MOBP: variants seen among roughly 807,000 people sequenced by gnomAD.
MOBP encodes myelin associated oligodendrocyte basic protein.
MOBP carries 5 observed loss-of-function variants against 15.0 expected under a neutral mutation model. That is an observed-to-expected ratio of 0.33 (90% CI 0.17 to 0.70). MOBP has a LOEUF of 0.70. Among genes scored for constraint, MOBP ranks in the 30% least tolerant of loss-of-function variants. The pLI is 0.67. For synonymous variants in MOBP, 88 were observed against 99.0 expected (o/e 0.89, Z 0.66); for missense variants, 188 against 257.8 (o/e 0.73, Z 1.85).
At chr3:39,522,133 T>G (rs1013720232) in intron 3 of MOBP, among the ~76,000 whole-genome samples, 4 of 152,206 alleles carry the variant, frequency 2.6e-5, no homozygotes. Flanking sequence ...ATCCCTCTAG[T>G]GGAATTCCTG....
intron 3 of MOBP, among the ~76,000 whole-genome samples, chr3:39,522,262 T>C (rs1318727081): frequency 6.6e-6 from 1 of 152,244 alleles, no homozygotes; most frequent in Non-Finnish European, 1.5e-5. Flanking sequence ...AGCTTGCATG[T>C]AGATAGAGCT....
chr3:39,486,286 G>A (rs2042707965), intron 2 of MOBP, among the ~76,000 whole-genome samples: 1 of 152,124 alleles, frequency 6.6e-6, no homozygotes, highest in African/African-American at 2.4e-5. Flanking sequence ...AGGTTATGAG[G>A]ATGAAATAAG....
chr3:39,528,039 T>C (rs1434628713), downstream of MOBP: 3 of 152,232 alleles, frequency 2.0e-5, no homozygotes, highest in Admixed American at 6.5e-5. Context: ...TATGACAATA[T>C]ATGGCTTTTT....
At chr3:39,473,067 T>A (rs988818719) in intron 1 of MOBP, among the ~76,000 whole-genome samples, 1 of 152,158 alleles carries the variant, frequency 6.6e-6, no homozygotes, top group African/African-American at 2.4e-5. Context: ...GCCCCTGGGA[T>A]TAGATCCCAT....
At chr3:39,472,267 C>T (rs1000372507) in intron 1 of MOBP, among the ~76,000 whole-genome samples, 1 of 152,132 alleles carries the variant, frequency 6.6e-6, no homozygotes, top group Non-Finnish European at 1.5e-5. Context: ...AGAGAAAACA[C>T]TGAAGTCACA....
intron 2 of MOBP, among the ~76,000 whole-genome samples, chr3:39,499,282 T>C (rs2042935128): frequency 6.6e-6 from 1 of 152,094 alleles, no homozygotes. Context: ...ACGTTTAGGG[T>C]CTTTGCAATG....
Position 39,502,948 on chromosome 3 carries a change from G to A in MOBP, c.*68G>A. The A allele has an allele frequency of 1.4e-6, 1 of 738,354 alleles. No homozygotes were observed. Among genetic ancestry groups the A allele is most frequent in the Non-Finnish European group, 2.2e-6 (1 of 460,742 alleles). The allele number at this position is 738,354 out of a possible 1,614,324, so 45.7% of individuals were successfully genotyped here. On this transcript the variant is annotated 3_prime_UTR_variant, in exon 4 of 4. Transcript: ENST00000684792. The surrounding 1 kb of genome is among the most constrained non-coding windows in gnomAD (Gnocchi z 6.3). ...TTGCTTCCTGTGTTTACTAACACCG[G>A]GCTGTCTCCATGGCCCTCTTCAGCC... is the stretch of plus-strand genomic sequence containing the variant.
rs114069834 is a variant in MOBP, at chr3:39,503,000, C to T, written c.*120C>T. ...TATTACCCAACCTGTGTAATCAGCT[C>T]CCTCCATTAAATCCCCTCTGTTTGA... On this transcript the variant is annotated 3_prime_UTR_variant, in exon 4 of 4. Coordinates refer to ENST00000684792, the MANE Select transcript of MOBP (RefSeq NM_001393704.1). The surrounding 1 kb of genome is among the most constrained non-coding windows in gnomAD (Gnocchi z 6.3). The T allele has an allele frequency of 1.4e-5, 8 of 583,512 alleles. No individual in the cohort carries two copies. The South Asian group carries it at 1.6e-4, about 12-fold the overall frequency. The allele number at this position is 583,512 out of a possible 1,614,324, so 36.1% of individuals were successfully genotyped here.
In MOBP at chr3:39,502,414, G is replaced by A. The variant is rs1451454306; in HGVS notation, c.207-121G>A. ...GCTCCGACACCGGAAGGCACTCCAG[G>A]GAGACTGGAAGGTGGGTGGGGGAGC... is the stretch of plus-strand genomic sequence containing the variant. On this transcript the variant is annotated intron_variant, in intron 3 of 3. Transcript: ENST00000684792. This position sits in a 1 kb window ranked among gnomAD's most constrained non-coding sequence, Gnocchi z 6.3. 12 of 1,525,832 alleles carry A rather than the reference G, an allele frequency of 7.9e-6. No homozygotes were observed. Among genetic ancestry groups the A allele is most frequent in the Admixed American group, 2.0e-5 (1 of 49,892 alleles). 94.5% of individuals were successfully genotyped at this position (1,525,832 alleles called of 1,614,324 possible). A position where few individuals can be genotyped will look rare whatever the true frequency, so the allele number is the denominator to read the frequency against.
chr3:39,501,063 A>T (rs72870955), intron 2 of MOBP, among the ~76,000 whole-genome samples: 2,696 of 152,300 alleles, frequency 0.018, 81 homozygotes, highest in African/African-American at 0.062. Flanking sequence ...ACACCAACAG[A>T]CAAAAAAATT....
chr3:39,505,666 T>TGTCA (rs1271177198), downstream of MOBP, among the ~76,000 whole-genome samples: 1 of 152,154 alleles, frequency 6.6e-6, no homozygotes, highest in African/African-American at 2.4e-5. Context: ...TGTTTTGGAG[T>TGTCA]GTGACAGCCT....
exon 5 of MOBP, chr3:39,514,205 A>AGCAAGTCCTCGAAG (rs2043163362): frequency 6.6e-6 from 1 of 152,230 alleles, no homozygotes; most frequent in Non-Finnish European, 1.5e-5. Context: ...CTGGGGTGAG[A>AGCAAGTCCTCGAAG]GCAAGTCCTC....
At chr3:39,480,940 T>C (rs1327677206) in intron 2 of MOBP, among the ~76,000 whole-genome samples, 6 of 152,226 alleles carry the variant, frequency 3.9e-5, no homozygotes. Context: ...ATATATCCCA[T>C]TACAAGTCTT....
chr3:39,513,493 T>C, exon 5 of MOBP: 3 of 1,450,600 alleles, frequency 2.1e-6, no homozygotes, highest in Non-Finnish European at 1.9e-6. Flanking sequence ...CATCTACCCC[T>C]GGATGAAGTT....
At chr3:39,499,672 A>G (rs900916543) in intron 2 of MOBP, 4 of 205,092 alleles carry the variant, frequency 2.0e-5, no homozygotes, top group South Asian at 8.3e-5. Flanking sequence ...TCTCAGACCC[A>G]TGAGATGATC....
At chr3:39,470,412 A>G (rs980911170) in intron 1 of MOBP, among the ~76,000 whole-genome samples, 2 of 152,246 alleles carry the variant, frequency 1.3e-5, no homozygotes, top group African/African-American at 4.8e-5. Context: ...GGTAGGAACT[A>G]TCATTCACAT....
Position 39,490,578 on chromosome 3 carries a change from T to C in MOBP, c.-5+10455T>C, listed in dbSNP as rs545950997. Among the ~76,000 whole-genome samples, 22 of 152,338 alleles carry C rather than the reference T, an allele frequency of 1.4e-4. No homozygotes were observed. In the South Asian group the frequency reaches 3.7e-3, roughly 26 times the overall value. Reference sequence around the variant, plus strand: ...TCTTCCTTACAATTTTTTCATTTTTTTTGAGACAGAGTCTTGCTCTGTCAC... The same window carrying C: ...TCTTCCTTACAATTTTTTCATTTTTCTTGAGACAGAGTCTTGCTCTGTCAC... On this transcript the variant is annotated intron_variant, in intron 2 of 3. Transcript: ENST00000684792.
At chr3:39,479,855 C>T (rs2042603759) in intron 1 of MOBP, among the ~76,000 whole-genome samples, 185 bp from the exon 2 acceptor site, 1 of 149,886 alleles carries the variant, frequency 6.7e-6, no homozygotes, top group Admixed American at 6.7e-5. Context: ...TAAAAGTTTA[C>T]ACGTGATTTT....
downstream of MOBP, among the ~76,000 whole-genome samples, chr3:39,520,592 G>C (rs2125674991): frequency 6.6e-6 from 1 of 151,816 alleles, no homozygotes; most frequent in South Asian, 2.1e-4. Context: ...GAGAGAGAGA[G>C]AGACAGAGAG....
Sources: gnomAD v4.1 joint callset for allele counts (sites outside exome capture counted in the v4.1 genomes callset) on GRCh38, gnomAD v4.1.1 for gene constraint, Gnocchi (gnomAD v3.1) non-coding constraint, MANE v1.5 for transcripts, NCBI Gene and HGNC (gene_info 2026-07-23, HGNC 2026-07-21) for gene names.